Variants in RELCH observed in about 807,000 individuals in gnomAD.
RELCH encodes RAB11 binding and LisH domain, coiled-coil and HEAT repeat containing.
In RELCH, 41 loss-of-function variants were observed where a neutral mutation model predicts 150.3. The observed-to-expected ratio is 0.27, with a 90% CI of 0.21 to 0.35. The LOEUF is 0.35. Ranked by LOEUF, RELCH falls within the 10% of genes least tolerant of loss-of-function variation. RELCH has a pLI of 1.00. For missense variants in RELCH, 1,092 were observed against 1,467.8 expected, an observed-to-expected ratio of 0.74 and a Z score of 4.18; for synonymous variants, 478 against 531.8, an observed-to-expected ratio of 0.90 and a Z score of 1.39.
At chr18:62,190,834 C>G (rs180727159) in intron 1 of RELCH, among the ~76,000 whole-genome samples, 1 of 152,284 alleles carries the variant, frequency 6.6e-6, no homozygotes. Flanking sequence ...CAACCACCCC[C>G]ATACCTATGC....
chr18:62,205,763 G>A (rs1230926396), intron 1 of RELCH, among the ~76,000 whole-genome samples: 3 of 152,234 alleles, frequency 2.0e-5, no homozygotes, highest in Non-Finnish European at 2.9e-5. Flanking sequence ...GGTGGCTCTC[G>A]CCTATAATCC....
At chr18:62,253,267 T>TTGTGTGTG (rs68067609) in intron 12 of RELCH, among the ~76,000 whole-genome samples, 4,359 of 136,436 alleles carry the variant, frequency 0.032, 81 homozygotes, top group Non-Finnish European at 0.042. Flanking sequence ...AGCAAGAAGA[T>TTGTGTGTG]TGTGTGTGTG....
chr18:62,296,546 A>T (rs961158221), intron 27 of RELCH, among the ~76,000 whole-genome samples: 1 of 152,046 alleles, frequency 6.6e-6, no homozygotes, highest in Non-Finnish European at 1.5e-5. Flanking sequence ...AGATCACGCC[A>T]TTGCACTCCA....
intron 24 of RELCH, 21 bp from the exon 25 acceptor site, chr18:62,282,285 T>A (rs2044556204): frequency 6.2e-7 from 1 of 1,603,152 alleles, no homozygotes; most frequent in African/African-American, 1.3e-5. Context: ...ATGAAATGAC[T>A]GTACAATATC....
At position 62,307,862 on chromosome 18, in the gene RELCH, C is replaced by A. The variant is rs2045921956; in HGVS notation, c.*2328C>A. On this transcript the variant is annotated 3_prime_UTR_variant, in exon 29 of 29. Coordinates refer to ENST00000644646, the MANE Select transcript of RELCH (RefSeq NM_001346231.2). Reference sequence around the variant, plus strand: ...CCATAATTACTAATTTAGCTGAATTCTTCCAAGAACAGTGCTTGAATGATG... The same window carrying A: ...CCATAATTACTAATTTAGCTGAATTATTCCAAGAACAGTGCTTGAATGATG... 6.6e-6 allele frequency: 1 copy of A among 152,142 alleles called. No homozygotes were observed. Among genetic ancestry groups the A allele is most frequent in the Non-Finnish European group, 1.5e-5 (1 of 68,022 alleles). The allele number at this position is 152,142 out of a possible 1,614,324, so 9.4% of individuals were successfully genotyped here.
chr18:62,238,454 T>A (rs2041982620), intron 10 of RELCH, among the ~76,000 whole-genome samples: 2 of 152,036 alleles, frequency 1.3e-5, no homozygotes, highest in South Asian at 4.1e-4. Flanking sequence ...GCTAAAGTAG[T>A]TGGTTTTTCA....
chr18:62,285,924 A>G (rs1361569355), intron 25 of RELCH: 1 of 152,240 alleles, frequency 6.6e-6, no homozygotes, highest in Non-Finnish European at 1.5e-5. Flanking sequence ...ATATGTGTGT[A>G]GTGAAATCTG....
intron 1 of RELCH, among the ~76,000 whole-genome samples, chr18:62,192,160 T>C (rs2038690574): frequency 6.6e-6 from 1 of 152,240 alleles, no homozygotes; most frequent in Admixed American, 6.5e-5. Flanking sequence ...TGTTGAGCCT[T>C]TTTTCATATG....
intron 15 of RELCH, among the ~76,000 whole-genome samples, chr18:62,259,265 A>C (rs376474568): frequency 1.3e-5 from 2 of 152,118 alleles, no homozygotes; most frequent in East Asian, 3.9e-4. Context: ...CTATAAAAAG[A>C]GATAGGAAGT....
chr18:62,273,557 T>G (rs112124779), intron 20 of RELCH, among the ~76,000 whole-genome samples: 1,618 of 152,272 alleles, frequency 0.011, 30 homozygotes, highest in African/African-American at 0.036. Context: ...TTTTTAATGT[T>G]CTAAATCAGG....
rs1401175294 is a variant in RELCH at position 62,300,879 on chromosome 18, A to AT, written c.3530+2023dup. Reference sequence around the variant, plus strand: ...GCAGGCAGAAAATGTATGCATAACTATTTTGGTACCCTTCTTATATTCATT... The same window carrying AT: ...GCAGGCAGAAAATGTATGCATAACTATTTTTGGTACCCTTCTTATATTCATT... On this transcript the variant is annotated intron_variant, in intron 28 of 28. Transcript: ENST00000644646. The AT allele has an allele frequency of 1.3e-5, 2 of 152,226 alleles. 1 individual carries two copies. The highest frequency in any genetic ancestry group is 6.3e-3 in the Middle Eastern group (2 of 316). The allele number at this position is 152,226 out of a possible 1,614,324, so 9.4% of individuals were successfully genotyped here.
In RELCH at chr18:62,227,659, C is replaced by G; in HGVS notation, c.1124C>G (p.Ser375Ter). ...AGTTTGTTAAATAGTGAGAAATGGT[C>G]ATTGATGGAGCAAATCAGAAGACTT... Reference protein sequence around the residue: ...KISLLNSEKWSLMEQIRRLKS... With the variant: ...KISLLNSEKW Residue 375 changes from serine (S) to a stop codon, truncating the protein, a stop_gained, in exon 7 of 29, where the codon TCA (serine) becomes TGA (stop). Coordinates refer to ENST00000644646, the MANE Select transcript of RELCH (RefSeq NM_001346231.2). LOFTEE classifies it high-confidence loss of function. 1 of 1,556,776 alleles carries G rather than the reference C, an allele frequency of 6.4e-7. No homozygotes were observed. The highest frequency in any genetic ancestry group is 2.2e-5 in the East Asian group (1 of 44,518).
chr18:62,251,157 A>G (rs1022395603), intron 11 of RELCH, among the ~76,000 whole-genome samples: 2 of 152,214 alleles, frequency 1.3e-5, no homozygotes, highest in African/African-American at 4.8e-5. Flanking sequence ...AAAGTACCCC[A>G]GAAGAAAGTG....
chr18:62,195,706 T>C (rs201615549), intron 1 of RELCH, among the ~76,000 whole-genome samples: 2 of 151,942 alleles, frequency 1.3e-5, no homozygotes, highest in South Asian at 2.1e-4. Flanking sequence ...CTTTTTTTTT[T>C]CTTTTTTTTT....
intron 10 of RELCH, among the ~76,000 whole-genome samples, chr18:62,240,132 T>C (rs1872688257): frequency 6.6e-6 from 1 of 151,924 alleles, no homozygotes; most frequent in African/African-American, 2.4e-5. Context: ...GTAAATATGA[T>C]ATCACATTAT....
At chr18:62,270,659 T>A (rs879760386) in intron 20 of RELCH, among the ~76,000 whole-genome samples, 6 of 152,158 alleles carry the variant, frequency 3.9e-5, no homozygotes, top group Non-Finnish European at 5.9e-5. Context: ...ATTTTTATTA[T>A]TATACTTTAA....
chr18:62,230,445 T>G (rs17062593), intron 8 of RELCH, among the ~76,000 whole-genome samples: 13,454 of 152,120 alleles, frequency 0.088, 680 homozygotes, highest in Middle Eastern at 0.17. Flanking sequence ...ATTACTGAGC[T>G]CCATTTTGTG....
At chr18:62,288,354 T>C (rs1004085834) in intron 26 of RELCH, among the ~76,000 whole-genome samples, 1 of 152,140 alleles carries the variant, frequency 6.6e-6, no homozygotes, top group South Asian at 2.1e-4. Flanking sequence ...TCTGATGAGT[T>C]TGATGTAATA....
rs1330723754 is a variant in RELCH at position 62,187,317 on chromosome 18, G to A, written c.-189G>A. The A allele has an allele frequency of 4.4e-6, 2 of 455,148 alleles. No individual in the cohort carries two copies. Among genetic ancestry groups the A allele is most frequent in the South Asian group, 6.1e-5 (1 of 16,442 alleles). The allele number at this position is 455,148 out of a possible 1,614,324, so 28.2% of individuals were successfully genotyped here. A position where few individuals can be genotyped will look rare whatever the true frequency, so the allele number is the denominator to read the frequency against. On this transcript the variant is annotated 5_prime_UTR_variant, in exon 1 of 29. Transcript: ENST00000644646. ...GAGCCGGGCTGCTGGTGCAGCAGAG[G>A]CTGAGGCATCAGGTGCAGCTGCATC...
Sources: allele counts gnomAD v4.1 joint callset (sites outside exome capture counted in the v4.1 genomes callset), GRCh38; gene constraint gnomAD v4.1.1; transcripts MANE v1.5; gene names NCBI Gene and HGNC (gene_info 2026-07-23, HGNC 2026-07-21).